PCDHGB3: variants seen among roughly 807,000 people sequenced by gnomAD.
PCDHGB3 encodes the protein protocadherin gamma subfamily B, 3.
Under a neutral mutation model 59.2 loss-of-function variants are expected in PCDHGB3, and 40 were observed. The observed-to-expected ratio is 0.68, with a 90% CI of 0.52 to 0.88. The LOEUF is 0.88. Among genes scored for constraint, PCDHGB3 ranks in the 40% least tolerant of loss-of-function variants. The pLI is 0.00. For synonymous variants in PCDHGB3, 581 were observed against 503.6 expected, an observed-to-expected ratio of 1.15 and a Z score of -2.06; for missense variants, 1,309 against 1,187.9, an observed-to-expected ratio of 1.10 and a Z score of -1.50.
At chr5:141,424,300 AAC>A (rs1370166165) in intron 1 of PCDHGB3, 2 of 152,504 alleles carry the variant, frequency 1.3e-5, no homozygotes, top group Non-Finnish European at 2.9e-5. Context: ...TCATCCTATC[AAC>A]ACAGACATAT....
chr5:141,478,142 G>T (rs774271595), intron 1 of PCDHGB3: 8 of 1,613,988 alleles, frequency 5.0e-6, no homozygotes, highest in Non-Finnish European at 6.8e-6. Flanking sequence ...AGCCCGAGCC[G>T]AGTTCCCCTC....
At chr5:141,422,576 C>T in intron 1 of PCDHGB3, 1 of 1,614,034 alleles carries the variant, frequency 6.2e-7, no homozygotes, top group South Asian at 1.1e-5. Context: ...AACGATAACC[C>T]TCCCGTTTTT....
Position 141,370,908 on chromosome 5 carries a change from C to G in PCDHGB3, c.514C>G (p.Leu172Val), listed in dbSNP as rs372602970. ...TGTCAATTCGCTGCAGCAGTACTACCTCAGCCCTGATCCGCACTTCTCTTT... is the reference window on the plus strand; with the variant it reads ...TGTCAATTCGCTGCAGCAGTACTACGTCAGCCCTGATCCGCACTTCTCTTT... ...VGVNSLQQYY[L>V]SPDPHFSLIQ... Residue 172 changes from leucine to valine, a missense_variant, in exon 1 of 4, where the codon CTC becomes GTC. Physicochemically the swap from Leu to Val is conservative, Grantham distance 32. Transcript: ENST00000576222. 2.5e-6 allele frequency: 4 copies of G among 1,614,028 alleles called. No homozygotes were observed. The Admixed American group carries it at 6.7e-5, about 27-fold the overall frequency.
rs749817501 is a variant in PCDHGB3 at position 141,423,756 on chromosome 5, G to GT, written c.2415+50947_2415+50948insT. ...GCCTGTTATGAAAACTGTTTGGGGGGGGGGTGGGGCGGCATATATTTAGTT... is the reference window on the plus strand; with the variant it reads ...GCCTGTTATGAAAACTGTTTGGGGGGTGGGGTGGGGCGGCATATATTTAGTT... On this transcript the variant is annotated intron_variant, in intron 1 of 3. Transcript: ENST00000576222. 9 of 448,538 alleles carry GT rather than the reference G, an allele frequency of 2.0e-5. 1 individual carries two copies. Among genetic ancestry groups the GT allele is most frequent in the African/African-American group, 2.8e-5 (1 of 35,670 alleles). 27.8% of individuals were successfully genotyped at this position (448,538 alleles called of 1,614,324 possible).
intron 1 of PCDHGB3, chr5:141,427,093 G>A (rs1446677593): frequency 2.2e-6 from 1 of 458,122 alleles, no homozygotes. Flanking sequence ...CAGGATGAGG[G>A]TGTCAATGCG....
chr5:141,423,225 C>G (rs763729316), intron 1 of PCDHGB3: 3 of 1,613,686 alleles, frequency 1.9e-6, no homozygotes, highest in Admixed American at 1.7e-5. Context: ...TGGCTGTGGC[C>G]GACAGCATCC....
intron 1 of PCDHGB3, chr5:141,430,944 G>T: frequency 1.2e-6 from 2 of 1,609,214 alleles, no homozygotes; most frequent in Non-Finnish European, 1.7e-6. Flanking sequence ...CTCGCGGAGC[G>T]CGGAGTCCGC....
At chr5:141,392,991 G>A in intron 1 of PCDHGB3, 1 of 1,613,904 alleles carries the variant, frequency 6.2e-7, no homozygotes, top group Middle Eastern at 1.7e-4. Flanking sequence ...CCGGAAGCTG[G>A]CGAAGCACGG....
At chr5:141,434,695 AAT>A (rs1228504579) in intron 1 of PCDHGB3, among the ~76,000 whole-genome samples, 7 of 152,212 alleles carry the variant, frequency 4.6e-5, no homozygotes, top group Non-Finnish European at 8.8e-5. Flanking sequence ...GCTGTTAATA[AAT>A]ATGTGGGTAA....
rs574059424 is a variant in PCDHGB3 at position 141,426,522 on chromosome 5, G to A, written c.2415+53713G>A. On this transcript the variant is annotated intron_variant, in intron 1 of 3. Transcript: ENST00000576222. ...AGAAACAATACTTTACCGTGAACAC[G>A]GAGAATGGGAACATACTTGTGAGTG... is the stretch of plus-strand genomic sequence containing the variant. The A allele has an allele frequency of 4.4e-5, 15 of 341,518 alleles. No individual in the cohort carries two copies. In the East Asian group the frequency reaches 6.0e-4, roughly 14 times the overall value. 21.2% of individuals were successfully genotyped at this position (341,518 alleles called of 1,614,324 possible).
At chr5:141,407,505 T>TTTTTTTTTTTTTTTTTTTTTTGAG (rs1460306566) in intron 1 of PCDHGB3, among the ~76,000 whole-genome samples, 1 of 152,148 alleles carries the variant, frequency 6.6e-6, no homozygotes, top group African/African-American at 2.4e-5. Context: ...CTGTTTTTCT[T>TTTTTTTTTTTTTTTTTTTTTTGAG]AGGCTATGTA....
chr5:141,371,325 G>A lies in PCDHGB3; in HGVS notation c.931G>A (p.Glu311Lys), dbSNP rs1335421404. ...CACTATTGGAGAACTGGACTTTGAA[G>A]AGAGAGATAGCTACACAATTGGGGT... ...LTTIGELDFE[E>K]RDSYTIGVEA... Residue 311 changes from glutamate (E) to lysine (K), a missense_variant, in exon 1 of 4, where the codon GAG becomes AAG. By Grantham distance (56) the Glu-to-Lys change is moderately conservative. Transcript: ENST00000576222. 1.2e-6 allele frequency: 2 copies of A among 1,613,966 alleles called. No individual in the cohort carries two copies. Among genetic ancestry groups the A allele is most frequent in the Non-Finnish European group, 8.5e-7 (1 of 1,179,862 alleles).
chr5:141,485,214 G>T lies in PCDHGB3; in HGVS notation c.2416-9593G>T. 6.2e-7 allele frequency: 1 copy of T among 1,614,164 alleles called. No individual in the cohort carries two copies. The highest frequency in any genetic ancestry group is 8.5e-7 in the Non-Finnish European group (1 of 1,179,996). On this transcript the variant is annotated intron_variant, in intron 1 of 3. Transcript: ENST00000576222. This position sits in a 1 kb window ranked among gnomAD's most constrained non-coding sequence, Gnocchi z 5.7. ...AGAAGCTGGACAGAAATCTGGCGGT[G>T]GGCTACCCTTTTGTTCCTCTTTTAC...
In PCDHGB3 at chr5:141,372,721, C is replaced by CA; in HGVS notation, c.2328dup (p.Pro777ThrfsTer7). 6.2e-7 allele frequency: 1 copy of CA among 1,613,832 alleles called. No individual in the cohort carries two copies. The highest frequency in any genetic ancestry group is 8.5e-7 in the Non-Finnish European group (1 of 1,179,754). On this transcript the variant is annotated frameshift_variant, in exon 1 of 4. Transcript: ENST00000576222. LOFTEE classifies it high-confidence loss of function. ...CTCAATATAAAGGCTGAAAATGCTG[C>CA]ACCACAAGATCTTCTATGTGATGAA...
chr5:141,393,972 C>T, intron 1 of PCDHGB3: 1 of 1,613,790 alleles, frequency 6.2e-7, no homozygotes, highest in Non-Finnish European at 8.5e-7. Flanking sequence ...CTGTTACACA[C>T]GTGATAATTT....
At chr5:141,494,364 G>A (rs1461560857) in intron 1 of PCDHGB3, among the ~76,000 whole-genome samples, 1 of 152,202 alleles carries the variant, frequency 6.6e-6, no homozygotes, top group African/African-American at 2.4e-5. Context: ...TGCAGAGGAT[G>A]CTTTGTTCCC....
chr5:141,508,737 C>T (rs919094477), intron 3 of PCDHGB3, among the ~76,000 whole-genome samples: 1 of 152,010 alleles, frequency 6.6e-6, no homozygotes, highest in Non-Finnish European at 1.5e-5. Flanking sequence ...CTACACCCCC[C>T]ACCCCGCTCT....
chr5:141,497,573 T>C (rs1231425210), intron 2 of PCDHGB3, among the ~76,000 whole-genome samples: 1 of 149,502 alleles, frequency 6.7e-6, no homozygotes, highest in South Asian at 2.1e-4. Context: ...AGAGTCTTGC[T>C]CTGTTGCCCA....
At chr5:141,451,557 G>T (rs192150041) in intron 1 of PCDHGB3, among the ~76,000 whole-genome samples, 2 of 152,234 alleles carry the variant, frequency 1.3e-5, no homozygotes, top group East Asian at 3.9e-4. Context: ...TGTGATGAAA[G>T]CCACAATCTT....
Sources: gnomAD v4.1 joint callset for allele counts (sites outside exome capture counted in the v4.1 genomes callset) on GRCh38, gnomAD v4.1.1 for gene constraint, Gnocchi (gnomAD v3.1) non-coding constraint, MANE v1.5 for transcripts, NCBI Gene and HGNC (gene_info 2026-07-23, HGNC 2026-07-21) for gene names.